Variants in RAB27B observed in about 807,000 individuals in gnomAD.
The protein encoded by RAB27B is ras-related protein Rab-27B.
A neutral mutation model predicts 24.6 loss-of-function variants in RAB27B; 15 were observed. That is an observed-to-expected ratio of 0.61 (90% CI 0.41 to 0.94). RAB27B has a LOEUF of 0.94. RAB27B is among the 40% of genes least tolerant of loss of function. The pLI, the probability that RAB27B is intolerant of heterozygous loss-of-function variation, is 0.00. For synonymous variants in RAB27B, 105 were observed against 92.5 expected, an observed-to-expected ratio of 1.14 and a Z score of -0.78; for missense variants, 261 against 266.8, an observed-to-expected ratio of 0.98 and a Z score of 0.15.
chr18:54,889,532 C>A lies in RAB27B; in HGVS notation c.*119C>A. 1.1e-6 allele frequency: 1 copy of A among 939,318 alleles called. No homozygotes were observed. The highest frequency in any genetic ancestry group is 1.5e-6 in the Non-Finnish European group (1 of 656,092). The allele number at this position is 939,318 out of a possible 1,614,324, so 58.2% of individuals were successfully genotyped here. A position where few individuals can be genotyped will look rare whatever the true frequency, so the allele number is the denominator to read the frequency against. ...ACAATGGCATGTCTTTCTTTTTCTG[C>A]CAGAAAATCTATTTTAAGAAACCAG... is the stretch of plus-strand genomic sequence containing the variant. On this transcript the variant is annotated 3_prime_UTR_variant, in exon 6 of 6. Coordinates refer to ENST00000262094, the MANE Select transcript of RAB27B (RefSeq NM_004163.4).
chr18:54,754,100 G>A (rs1386169843), intron 2 of RAB27B, among the ~76,000 whole-genome samples: 1 of 152,186 alleles, frequency 6.6e-6, no homozygotes, highest in African/African-American at 2.4e-5. Context: ...ATCTTGAATT[G>A]TAATCTCCAG....
chr18:54,736,270 A>G (rs749903083), intron 2 of RAB27B, among the ~76,000 whole-genome samples: 1 of 152,208 alleles, frequency 6.6e-6, no homozygotes, highest in Non-Finnish European at 1.5e-5. Flanking sequence ...CTGCAAAAGT[A>G]ACTTTCGTAT....
At chr18:54,735,477 T>C (rs552994712) in intron 2 of RAB27B, among the ~76,000 whole-genome samples, 16 of 152,198 alleles carry the variant, frequency 1.1e-4, no homozygotes, top group African/African-American at 3.9e-4. Context: ...TATATGATAT[T>C]ACTGGAACAT....
intron 2 of RAB27B, among the ~76,000 whole-genome samples, chr18:54,752,793 G>A (rs915700714): frequency 6.6e-6 from 1 of 152,108 alleles, no homozygotes; most frequent in Non-Finnish European, 1.5e-5. Context: ...TCCCACCATG[G>A]AAGAGTTCCA....
chr18:54,884,995 A>G (rs1334499546), intron 4 of RAB27B, among the ~76,000 whole-genome samples: 6 of 152,166 alleles, frequency 3.9e-5, no homozygotes, highest in African/African-American at 1.4e-4. Flanking sequence ...AATGTGAGGA[A>G]ACCATGTAAA....
At position 54,887,849 on chromosome 18, in the gene RAB27B, T is replaced by C. The variant is rs1006458029; in HGVS notation, c.344-146T>C. The stretch of plus-strand genomic sequence containing the variant: ...GTTTTACAGATAAGCACATTGTGAC[T>C]GGGAAGAGGAAGTAACTTGGCCAAT... On this transcript the variant is annotated intron_variant, in intron 4 of 5. Coordinates refer to ENST00000262094, the MANE Select transcript of RAB27B (RefSeq NM_004163.4). 6.9e-5 allele frequency: 57 copies of C among 831,552 alleles called. 1 individual carries two copies. The highest frequency in any genetic ancestry group is 1.7e-4 in the African/African-American group (10 of 58,370). The allele number at this position is 831,552 out of a possible 1,614,324, so 51.5% of individuals were successfully genotyped here.
intron 2 of RAB27B, among the ~76,000 whole-genome samples, chr18:54,721,264 T>C (rs1159368220): frequency 6.6e-6 from 1 of 152,206 alleles, no homozygotes; most frequent in Non-Finnish European, 1.5e-5. Flanking sequence ...AAAACATTGC[T>C]TTAACTTGTC....
Position 54,719,525 on chromosome 18 carries a change from G to A in RAB27B, c.-20+1384G>A, listed in dbSNP as rs187654746. ...TGTAGCAAATGAAAATAAATATATC[G>A]AAAACATGTTTATATTGCTATATAA... On this transcript the variant is annotated intron_variant, in intron 2 of 4. Coordinates refer to the RAB27B transcript ENST00000586570. Among the ~76,000 whole-genome samples the A allele has an allele frequency of 9.2e-5, 14 of 151,702 alleles. No individual in the cohort carries two copies. In the South Asian group the frequency reaches 1.0e-3, roughly 11 times the overall value.
chr18:54,853,048 A>G (rs188814273), intron 1 of RAB27B, among the ~76,000 whole-genome samples: 83 of 152,320 alleles, frequency 5.4e-4, no homozygotes, highest in Middle Eastern at 3.4e-3. Context: ...GTAGGACGGA[A>G]TTCTATTCCT....
chr18:54,887,027 C>T (rs1446175919), intron 4 of RAB27B, among the ~76,000 whole-genome samples: 1 of 125,410 alleles, frequency 8.0e-6, no homozygotes, highest in Non-Finnish European at 1.7e-5. Context: ...CCCTTCCTCC[C>T]TCCCTCCCTC....
intron 2 of RAB27B, among the ~76,000 whole-genome samples, chr18:54,733,339 T>C (rs1909785368): frequency 7.9e-5 from 12 of 152,154 alleles, no homozygotes. Context: ...TGAGCCACCA[T>C]ACCCAGCTGT....
At chr18:54,799,021 G>C (rs558458559) in intron 2 of RAB27B, among the ~76,000 whole-genome samples, 33 of 152,060 alleles carry the variant, frequency 2.2e-4, no homozygotes, top group Non-Finnish European at 4.6e-4. Context: ...CAAATTTTCT[G>C]GCAATTTTAA....
upstream of RAB27B, among the ~76,000 whole-genome samples, chr18:54,827,622 T>G (rs1910517626): frequency 6.6e-6 from 1 of 152,174 alleles, no homozygotes; most frequent in Non-Finnish European, 1.5e-5. Context: ...AGAAACAAGT[T>G]AAGTAATTAA....
rs181302308 is a variant in RAB27B at position 54,854,951 on chromosome 18, A to G, written c.-19-22616A>G. On this transcript the variant is annotated intron_variant, in intron 1 of 5. Coordinates refer to ENST00000262094, the MANE Select transcript of RAB27B (RefSeq NM_004163.4). ...TTTCGGGATGATTCAAATGCATTACATTTGTTGTACACCTTATTTTTATTA... is the reference window on the plus strand; with the variant it reads ...TTTCGGGATGATTCAAATGCATTACGTTTGTTGTACACCTTATTTTTATTA... Among the ~76,000 whole-genome samples the G allele has an allele frequency of 2.3e-3, 347 of 152,310 alleles. 3 individuals carry two copies. Among genetic ancestry groups the G allele is most frequent in the African/African-American group, 8.1e-3 (336 of 41,566 alleles).
rs537480771 is a variant in RAB27B at position 54,815,632 on chromosome 18, C to G, written c.-19-61935C>G. On this transcript the variant is annotated intron_variant, in intron 2 of 4. Transcript: ENST00000586570. ...AACCCCTCACTCCCTTATAGAAACT[C>G]TTACTACTTTTCTTGATAATTCTTT... Among the ~76,000 whole-genome samples the G allele has an allele frequency of 6.6e-5, 10 of 152,298 alleles. No individual in the cohort carries two copies. The East Asian group carries it at 1.9e-3, about 29-fold the overall frequency.
intron 2 of RAB27B, among the ~76,000 whole-genome samples, chr18:54,730,270 T>C (rs996765164): frequency 6.6e-6 from 1 of 152,146 alleles, no homozygotes; most frequent in Non-Finnish European, 1.5e-5. Flanking sequence ...TCTGGACTTA[T>C]AACTATGTTC....
At chr18:54,847,596 A>G (rs1164408728) in intron 1 of RAB27B, among the ~76,000 whole-genome samples, 1 of 152,206 alleles carries the variant, frequency 6.6e-6, no homozygotes, top group East Asian at 1.9e-4. Context: ...GCTCATTTTA[A>G]TTTGTTAATT....
chr18:54,793,320 G>C (rs1399507304), intron 2 of RAB27B, among the ~76,000 whole-genome samples: 1 of 152,102 alleles, frequency 6.6e-6, no homozygotes, highest in African/African-American at 2.4e-5. Flanking sequence ...AACCGACTTA[G>C]GGAAAAGCCA....
In RAB27B at chr18:54,861,704, C is replaced by T. The variant is rs192690735; in HGVS notation, c.-19-15863C>T. 1.4e-4 allele frequency among the ~76,000 whole-genome samples: 21 copies of T among 152,306 alleles called. 1 individual carries two copies. Among genetic ancestry groups the T allele is most frequent in the Non-Finnish European group, 2.4e-4 (16 of 68,032 alleles). ...TCATTAGGGAGAGTGTTAAAAGGTA[C>T]ACATGCTTTTGTCATATCAGAATTC... On this transcript the variant is annotated intron_variant, in intron 1 of 5. Transcript: ENST00000262094.
Sources: gnomAD v4.1 joint callset for allele counts (sites outside exome capture counted in the v4.1 genomes callset) on GRCh38, gnomAD v4.1.1 for gene constraint, MANE v1.5 for transcripts, NCBI Gene and HGNC (gene_info 2026-07-23, HGNC 2026-07-21) for gene names.